IGFL2: variants seen among roughly 807,000 people sequenced by gnomAD.
IGFL2 encodes insulin growth factor-like family member 2.
Under a neutral mutation model 13.9 loss-of-function variants are expected in IGFL2, and 7 were observed. The ratio of observed to expected loss-of-function variants is 0.51; its 90% confidence interval spans 0.29 to 0.95. The LOEUF is 0.95. Ranked by LOEUF, IGFL2 falls within the 40% of genes least tolerant of loss-of-function variation. IGFL2 has a pLI of 0.08. For missense variants in IGFL2, 138 were observed against 147.8 expected (o/e 0.93, Z 0.34); for synonymous variants, 55 against 55.8 (o/e 0.99, Z 0.07).
At chr19:46,132,992 G>A in the IGFL2 span, among the ~76,000 whole-genome samples, 2 of 152,150 alleles carry the variant, frequency 1.3e-5, no homozygotes, top group African/African-American at 4.8e-5. Context: ...AAGTGAAAAG[G>A]AGAGAAAGCA....
the IGFL2 span, among the ~76,000 whole-genome samples, chr19:46,110,549 T>G: frequency 6.6e-6 from 1 of 152,250 alleles, no homozygotes. Context: ...ACAATTAAAG[T>G]GGCAATGTAG....
intron 1 of IGFL2, 117 bp from the exon 2 acceptor site, chr19:46,160,298 C>G (rs1471385475): frequency 4.6e-6 from 4 of 860,536 alleles, no homozygotes; most frequent in Non-Finnish European, 7.6e-6. Context: ...GTTCCAAACC[C>G]AAGCCTTTAG....
At chr19:46,175,763 A>G in the IGFL2 span, among the ~76,000 whole-genome samples, 6 of 148,820 alleles carry the variant, frequency 4.0e-5, no homozygotes, top group Non-Finnish European at 5.9e-5. Context: ...CTGGTCTCGA[A>G]CTCCTGACCT....
chr19:46,166,837 T>G, the IGFL2 span, among the ~76,000 whole-genome samples: 1 of 152,260 alleles, frequency 6.6e-6, no homozygotes, highest in Non-Finnish European at 1.5e-5. Flanking sequence ...GGTCAGAGTT[T>G]AAGGTTATCT....
At chr19:46,214,510 GGTGACGGTACCAA>G in the IGFL2 span, 1 of 152,218 alleles carries the variant, frequency 6.6e-6, no homozygotes, top group Non-Finnish European at 1.5e-5. Context: ...CAGTCACTGA[GGTGACGGTACCAA>G]GTCACCGGCC....
chr19:46,137,844 TGTA>T, the IGFL2 span, among the ~76,000 whole-genome samples: 8 of 152,358 alleles, frequency 5.3e-5, no homozygotes, highest in African/African-American at 1.9e-4. Context: ...ATGAAGTTCT[TGTA>T]GTCAGTTTTT....
chr19:46,191,041 C>T, the IGFL2 span, among the ~76,000 whole-genome samples: 1 of 151,928 alleles, frequency 6.6e-6, no homozygotes, highest in African/African-American at 2.4e-5. Flanking sequence ...GACTGGACCT[C>T]AAAGTGGGGG....
At chr19:46,150,668 A>T (rs1363647113) in intron 1 of IGFL2, among the ~76,000 whole-genome samples, 1 of 152,212 alleles carries the variant, frequency 6.6e-6, no homozygotes, top group East Asian at 1.9e-4. Flanking sequence ...GAAATATACA[A>T]CACACCATTT....
the IGFL2 span, among the ~76,000 whole-genome samples, chr19:46,091,702 A>G: frequency 6.6e-6 from 1 of 152,226 alleles, no homozygotes; most frequent in East Asian, 1.9e-4. Flanking sequence ...TGTTGCTGAT[A>G]TACAGAAGCA....
the IGFL2 span, among the ~76,000 whole-genome samples, chr19:46,215,137 C>T: frequency 2.4e-3 from 366 of 152,156 alleles, 2 homozygotes; most frequent in African/African-American, 8.1e-3. Flanking sequence ...TTAAAAATTT[C>T]CTTTTGGATA....
chr19:46,135,457 C>G, the IGFL2 span, among the ~76,000 whole-genome samples: 2 of 152,182 alleles, frequency 1.3e-5, no homozygotes, highest in East Asian at 1.9e-4. Context: ...AACCCCTGCT[C>G]TGAACCATCC....
chr19:46,191,743 C>T, the IGFL2 span, among the ~76,000 whole-genome samples: 2 of 152,086 alleles, frequency 1.3e-5, no homozygotes, highest in African/African-American at 4.8e-5. Context: ...AAACCGGCTT[C>T]TCATGTTTGT....
At chr19:46,160,539 G>A in intron 2 of IGFL2, 71 bp downstream of exon 2, 1 of 1,612,528 alleles carries the variant, frequency 6.2e-7, no homozygotes, top group Non-Finnish European at 8.5e-7. Flanking sequence ...GGGGTTCACA[G>A]AGGGCTCCTG....
intron 1 of IGFL2, among the ~76,000 whole-genome samples, chr19:46,154,882 G>A (rs1973727768): frequency 6.6e-6 from 1 of 152,182 alleles, no homozygotes; most frequent in Non-Finnish European, 1.5e-5. Flanking sequence ...AGAAAAGCCA[G>A]TTTTAGGGAG....
chr19:46,097,415 A>G, the IGFL2 span, among the ~76,000 whole-genome samples: 1 of 151,752 alleles, frequency 6.6e-6, no homozygotes, highest in Non-Finnish European at 1.5e-5. Flanking sequence ...CTTCTTTTTT[A>G]GTCTAGCTAG....
At chr19:46,194,830 T>TTATATATATATATA in the IGFL2 span, among the ~76,000 whole-genome samples, 4 of 46,776 alleles carry the variant, frequency 8.6e-5, no homozygotes, top group African/African-American at 3.0e-4. Flanking sequence ...CTTCCTCATT[T>TTATATATATATATA]TATATATATA....
chr19:46,161,318 CTTTTT>C (rs71175262), downstream of IGFL2: 153 of 238,800 alleles, frequency 6.4e-4, no homozygotes, highest in East Asian at 1.5e-3. Flanking sequence ...CGTCTCCTTT[CTTTTT>C]TTTTTTTTTT....
At chr19:46,211,854 C>T in the IGFL2 span, among the ~76,000 whole-genome samples, 2 of 151,982 alleles carry the variant, frequency 1.3e-5, no homozygotes, top group Non-Finnish European at 2.9e-5. Flanking sequence ...ATTTTGGTTC[C>T]TGGAATGTGA....
chr19:46,171,402 G>A, the IGFL2 span, among the ~76,000 whole-genome samples: 14 of 152,162 alleles, frequency 9.2e-5, no homozygotes, highest in African/African-American at 3.4e-4. Context: ...AAGCTATTGG[G>A]CAAGAGTGGT....
Sources: allele counts gnomAD v4.1 joint callset (sites outside exome capture counted in the v4.1 genomes callset), GRCh38; gene constraint gnomAD v4.1.1; transcripts MANE v1.5; gene names NCBI Gene and HGNC (gene_info 2026-07-23, HGNC 2026-07-21).